The following MAML3 variants were observed in gnomAD, a reference collection of about 807,000 sequenced individuals.
The protein encoded by MAML3 is mastermind-like protein 3.
MAML3 carries 27 observed loss-of-function variants against 101.9 expected under a neutral mutation model. The ratio of observed to expected loss-of-function variants is 0.27; its 90% CI spans 0.20 to 0.37. The LOEUF is 0.37. Among genes scored for constraint, MAML3 ranks in the 10% least tolerant of loss-of-function variants. MAML3 has a pLI of 1.00. For missense variants in MAML3, 1,316 were observed against 1,444.9 expected (o/e 0.91, Z 1.45); for synonymous variants, 501 against 555.9 (o/e 0.90, Z 1.39).
intron 1 of MAML3, among the ~76,000 whole-genome samples, chr4:140,071,446 T>C (rs181958410): frequency 1.2e-4 from 18 of 152,350 alleles, no homozygotes; most frequent in Non-Finnish European, 2.4e-4. Flanking sequence ...GTGACACCCC[T>C]GTCCCCAGCC....
At chr4:139,742,754 C>T (rs1373511882) in intron 2 of MAML3, among the ~76,000 whole-genome samples, 2 of 152,094 alleles carry the variant, frequency 1.3e-5, no homozygotes, top group Admixed American at 6.6e-5. Context: ...ATTCTTTATA[C>T]GTCTTGTGTT....
chr4:139,792,911 ATT>A (rs762593916), intron 2 of MAML3, among the ~76,000 whole-genome samples: 1 of 151,442 alleles, frequency 6.6e-6, no homozygotes, highest in African/African-American at 2.4e-5. Context: ...GGCCAGGCTA[ATT>A]TTTTTTGTAT....
intron 1 of MAML3, among the ~76,000 whole-genome samples, chr4:139,963,841 A>T (rs936564340): frequency 6.6e-6 from 1 of 152,214 alleles, no homozygotes; most frequent in Admixed American, 6.5e-5. Flanking sequence ...AATGTCACAC[A>T]ACTCTTAGAG....
At chr4:140,147,809 C>A (rs1035171475) in intron 1 of MAML3, among the ~76,000 whole-genome samples, 5 of 152,186 alleles carry the variant, frequency 3.3e-5, no homozygotes, top group African/African-American at 1.2e-4. Context: ...AGTAATCACA[C>A]AAGTACTTCA....
At chr4:140,011,535 G>A (rs973799430) in intron 1 of MAML3, among the ~76,000 whole-genome samples, 1 of 149,934 alleles carries the variant, frequency 6.7e-6, no homozygotes, top group African/African-American at 2.4e-5. Flanking sequence ...TAGTAGAGAC[G>A]GGGTTTCACC....
At chr4:140,104,395 T>TTATATAATATATAATATATAA (rs1728309949) in intron 1 of MAML3, among the ~76,000 whole-genome samples, 3 of 31,052 alleles carry the variant, frequency 9.7e-5, no homozygotes, top group African/African-American at 2.3e-4. Context: ...ATATTATATA[T>TTATATAATATATAATATATAA]TATATAATAT....
intron 3 of MAML3, among the ~76,000 whole-genome samples, chr4:139,729,156 CAAAAAAAAA>C (rs4057275): frequency 3.7e-5 from 3 of 81,704 alleles, no homozygotes; most frequent in African/African-American, 1.4e-4. Context: ...GGAACAAAAG[CAAAAAAAAA>C]AAAAAAAAAA....
At chr4:140,124,870 G>A (rs1326960530) in intron 1 of MAML3, among the ~76,000 whole-genome samples, 1 of 152,170 alleles carries the variant, frequency 6.6e-6, no homozygotes, top group Non-Finnish European at 1.5e-5. Context: ...AGCAATTCCA[G>A]TATCTGAAAC....
intron 1 of MAML3, among the ~76,000 whole-genome samples, chr4:140,095,313 G>A (rs1728138513): frequency 6.6e-6 from 1 of 152,116 alleles, no homozygotes; most frequent in South Asian, 2.1e-4. Flanking sequence ...AGATCACACT[G>A]AGCCTCGTCT....
chr4:139,719,521 G>C lies in MAML3; in HGVS notation c.3219C>G (p.Gly1073=), dbSNP rs1728140881. 1.9e-6 allele frequency: 3 copies of C among 1,613,854 alleles called. No individual in the cohort carries two copies. The South Asian group carries it at 3.3e-5, about 18-fold the overall frequency. The change falls in exon 5 of 5, where the codon GGC becomes GGG. Residue 1073 remains glycine, a synonymous_variant. Coordinates refer to ENST00000509479, the MANE Select transcript of MAML3 (RefSeq NM_018717.5). ...QPPAQQQIPS[G]SFAPSSQSQA... Reference sequence around the variant, plus strand: ...GGCTCTGGCTGCTTGGAGCAAAGCTGCCACTGGGTATCTGCTGCTGTGCTG... The same window carrying C: ...GGCTCTGGCTGCTTGGAGCAAAGCTCCCACTGGGTATCTGCTGCTGTGCTG...
intron 1 of MAML3, among the ~76,000 whole-genome samples, chr4:139,916,346 G>A (rs1315963258): frequency 2.6e-5 from 4 of 152,198 alleles, no homozygotes; most frequent in Non-Finnish European, 4.4e-5. Context: ...TCTTTCAGCC[G>A]TTCTCAGAAC....
rs141567545 is a variant in MAML3 at position 139,862,396 on chromosome 4, A to C, written c.2079+26961T>G. Among the ~76,000 whole-genome samples, 46 of 152,074 alleles carry C rather than the reference A, an allele frequency of 3.0e-4. No individual in the cohort carries two copies. The East Asian group carries it at 7.5e-3, about 25-fold the overall frequency. On this transcript the variant is annotated intron_variant, in intron 2 of 4. Coordinates refer to ENST00000509479, the MANE Select transcript of MAML3 (RefSeq NM_018717.5). ...ATGCCCCTCACATTCTGACTTTCTT[A>C]TCTCTCCAGTAACTGCCTCCCCAAC...
At chr4:139,767,075 C>A (rs1209125747) in intron 2 of MAML3, among the ~76,000 whole-genome samples, 2 of 152,226 alleles carry the variant, frequency 1.3e-5, no homozygotes, top group African/African-American at 4.8e-5. Flanking sequence ...TGTAACCCAA[C>A]TTATATTCCT....
At chr4:140,007,655 C>A (rs1726473584) in intron 1 of MAML3, among the ~76,000 whole-genome samples, 1 of 152,222 alleles carries the variant, frequency 6.6e-6, no homozygotes, top group Admixed American at 6.5e-5. Flanking sequence ...TCCAAAGCCA[C>A]CAGCCATTGG....
chr4:140,086,508 C>A (rs1223957821), intron 1 of MAML3, among the ~76,000 whole-genome samples: 1 of 152,098 alleles, frequency 6.6e-6, no homozygotes, highest in Non-Finnish European at 1.5e-5. Flanking sequence ...AAATTTCAAT[C>A]ATTCTTTAAG....
chr4:139,909,867 C>T (rs1732886513), intron 1 of MAML3, among the ~76,000 whole-genome samples: 1 of 128,010 alleles, frequency 7.8e-6, no homozygotes, highest in African/African-American at 2.6e-5. Flanking sequence ...AAGATAAGGC[C>T]GTAGAAATGA....
chr4:140,109,009 G>C (rs1457067587), intron 1 of MAML3, among the ~76,000 whole-genome samples: 2 of 152,136 alleles, frequency 1.3e-5, no homozygotes, highest in East Asian at 3.8e-4. Context: ...TTACAAGACT[G>C]CATGGCTAAA....
chr4:140,086,521 A>G (rs1020545744), intron 1 of MAML3, among the ~76,000 whole-genome samples: 6 of 151,418 alleles, frequency 4.0e-5, no homozygotes, highest in South Asian at 4.2e-4. Context: ...TCTTTAAGGG[A>G]AAAAAAAAGG....
At chr4:139,737,924 G>A (rs1729008153) in intron 2 of MAML3, among the ~76,000 whole-genome samples, 1 of 152,194 alleles carries the variant, frequency 6.6e-6, no homozygotes, top group Non-Finnish European at 1.5e-5. Flanking sequence ...TCCCCAAGAT[G>A]ATTGAGTTTG....
Sources: allele counts gnomAD v4.1 joint callset (sites outside exome capture counted in the v4.1 genomes callset), GRCh38; gene constraint gnomAD v4.1.1; transcripts MANE v1.5; gene names NCBI Gene and HGNC (gene_info 2026-07-23, HGNC 2026-07-21).